The following FGF13 variants were observed in gnomAD, a reference collection of about 807,000 sequenced individuals.
FGF13 encodes the protein fibroblast growth factor homologous factor 2.
In FGF13, 2 loss-of-function variants were observed where a neutral mutation model predicts 19.5. The observed-to-expected ratio is 0.10, with a 90% CI of 0.04 to 0.32. The LOEUF (loss-of-function observed/expected upper bound fraction) is 0.32. Ranked by LOEUF, FGF13 falls within the 10% of genes least tolerant of loss-of-function variation. FGF13 has a pLI of 1.00. For missense variants in FGF13, 113 were observed against 192.7 expected, an observed-to-expected ratio of 0.59 and a Z score of 2.45; for synonymous variants, 72 against 76.9, an observed-to-expected ratio of 0.94 and a Z score of 0.33.
chrX:138,642,520 C>T (rs1014271839), intron 3 of FGF13, among the ~76,000 whole-genome samples: 6 of 111,377 alleles, frequency 5.4e-5, no homozygotes, highest in African/African-American at 9.8e-5. Flanking sequence ...GCTCCATAAA[C>T]ATGAAATGTG....
intron 3 of FGF13, among the ~76,000 whole-genome samples, chrX:138,684,312 T>C (rs886928563): frequency 3.6e-5 from 4 of 111,678 alleles, no homozygotes; most frequent in Admixed American, 1.9e-4. Context: ...GTATTTCTAA[T>C]TCGGTGTGCC....
chrX:138,640,616 G>C (rs2089240167), intron 3 of FGF13, among the ~76,000 whole-genome samples: 1 of 111,689 alleles, frequency 9.0e-6, no homozygotes, highest in Non-Finnish European at 1.9e-5. Flanking sequence ...TCAGCAGATG[G>C]TGTGTAGCTA....
chrX:139,010,559 G>A lies in FGF13; in HGVS notation c.-112-145909C>T, dbSNP rs745558196. ...ATAATCTGCTCCTGAATGATGGTTG[G>A]GTCAACAATGAAATCAAGATGGCTA... On this transcript the variant is annotated intron_variant, in intron 1 of 2. Coordinates refer to the FGF13 transcript ENST00000421460. Among the ~76,000 whole-genome samples the A allele has an allele frequency of 2.4e-3, 272 of 111,519 alleles. 1 individual carries two copies. The highest frequency in any genetic ancestry group is 3.6e-3 in the Non-Finnish European group (191 of 53,052).
chrX:139,020,086 G>A (rs1433176094), intron 1 of FGF13, among the ~76,000 whole-genome samples: 1 of 110,947 alleles, frequency 9.0e-6, no homozygotes, highest in Admixed American at 9.6e-5. Context: ...CTTGAGATCT[G>A]GTTCCTTCCT....
rs1030658191 is a variant in FGF13, at chrX:138,625,058, C to T, written c.*7792G>A. 5.4e-5 allele frequency: 6 copies of T among 110,585 alleles called. No individual in the cohort carries two copies. The highest frequency in any genetic ancestry group is 1.9e-4 in the Admixed American group (2 of 10,302). 9.1% of individuals were successfully genotyped at this position (110,585 alleles called of 1,213,427 possible). A position where few individuals can be genotyped will look rare whatever the true frequency, so the allele number is the denominator to read the frequency against. On this transcript the variant is annotated 3_prime_UTR_variant, in exon 5 of 5. Transcript: ENST00000315930. ...TAGACATCTCTCCAAGGAAGACATACAAATGGCCAACATATATCTGAAAAG... is the reference window on the plus strand; with the variant it reads ...TAGACATCTCTCCAAGGAAGACATATAAATGGCCAACATATATCTGAAAAG...
intron 3 of FGF13, among the ~76,000 whole-genome samples, chrX:138,816,430 T>C (rs2090961918): frequency 1.8e-5 from 2 of 112,122 alleles, no homozygotes; most frequent in Non-Finnish European, 3.8e-5. Flanking sequence ...AACAAAAATA[T>C]ATGTATTTTG....
intron 1 of FGF13, among the ~76,000 whole-genome samples, chrX:138,885,706 C>T (rs1010487904): frequency 9.3e-5 from 10 of 107,930 alleles, no homozygotes; most frequent in African/African-American, 3.0e-4. Context: ...TCTAACCCCC[C>T]CCGCCAATAC....
At chrX:138,702,955 T>A (rs1288479018) in intron 3 of FGF13, 29 bp downstream of exon 3, 2 of 1,044,888 alleles carry the variant, frequency 1.9e-6, no homozygotes, top group Non-Finnish European at 1.3e-6. Flanking sequence ...ACTAGAATAG[T>A]CAAAACATGC....
intron 3 of FGF13, among the ~76,000 whole-genome samples, chrX:138,831,667 A>ATT (rs762010674): frequency 1.6e-3 from 171 of 105,911 alleles, no homozygotes; most frequent in African/African-American, 5.7e-3. Context: ...TTGCTATTCC[A>ATT]TTTCTTTTTT....
At chrX:139,059,763 T>C (rs1037650510) in intron 1 of FGF13, among the ~76,000 whole-genome samples, 1 of 112,656 alleles carries the variant, frequency 8.9e-6, no homozygotes, top group Non-Finnish European at 1.9e-5. Context: ...TAGCCTTCCA[T>C]TTTAAAACAT....
At chrX:139,014,652 A>C (rs2092145288) in intron 1 of FGF13, among the ~76,000 whole-genome samples, 2 of 111,146 alleles carry the variant, frequency 1.8e-5, no homozygotes, top group South Asian at 7.5e-4. Context: ...TCAAAAACTA[A>C]CACCTATCCT....
At chrX:139,110,961 T>C (rs73566185) in intron 1 of FGF13, among the ~76,000 whole-genome samples, 1,306 of 111,733 alleles carry the variant, frequency 0.012, 26 homozygotes, top group African/African-American at 0.04. Flanking sequence ...AGGGCCAGTT[T>C]TGTGGTGGTG....
At chrX:138,797,035 G>T (rs1431957023) in intron 3 of FGF13, among the ~76,000 whole-genome samples, 1 of 111,555 alleles carries the variant, frequency 9.0e-6, no homozygotes, top group Non-Finnish European at 1.9e-5. Flanking sequence ...AGTTTATTTT[G>T]CTGTGCAGAA....
chrX:138,673,006 T>C (rs147999502), intron 3 of FGF13, among the ~76,000 whole-genome samples: 1,656 of 110,934 alleles, frequency 0.015, 22 homozygotes, highest in African/African-American at 0.051. Context: ...GACACCATAT[T>C]TGGGAAGGTG....
At chrX:138,858,755 TA>T (rs745908329) in intron 2 of FGF13, among the ~76,000 whole-genome samples, 10,572 of 106,503 alleles carry the variant, frequency 0.099, 1,295 homozygotes, top group African/African-American at 0.34. Flanking sequence ...GTGGTGTTTG[TA>T]AAAAAAAAAA....
chrX:139,186,271 G>A (rs1300225033), intron 1 of FGF13, among the ~76,000 whole-genome samples: 1 of 111,735 alleles, frequency 8.9e-6, no homozygotes, highest in African/African-American at 3.3e-5. Context: ...AAGTGCTAGA[G>A]ATGGGACTGG....
rs190049249 is a variant in FGF13, at chrX:139,105,672, A to G, written c.-113+97744T>C. 2.4e-3 allele frequency among the ~76,000 whole-genome samples: 265 copies of G among 112,365 alleles called. 3 individuals carry two copies. The highest frequency in any genetic ancestry group is 4.6e-3 in the Middle Eastern group (1 of 218). Reference sequence around the variant, plus strand: ...GGGACACATAGTAAGCAAACAATAAACAAGTAATTATCAGCACTATTACTA... The same window carrying G: ...GGGACACATAGTAAGCAAACAATAAGCAAGTAATTATCAGCACTATTACTA... On this transcript the variant is annotated intron_variant, in intron 1 of 2. Coordinates refer to the FGF13 transcript ENST00000421460.
chrX:138,736,227 G>A (rs1022249944), intron 1 of FGF13, among the ~76,000 whole-genome samples: 1 of 111,762 alleles, frequency 8.9e-6, no homozygotes, highest in African/African-American at 3.3e-5. Flanking sequence ...CACCCTGGAT[G>A]TCTTCACTTG....
At chrX:138,976,366 T>C (rs1191609759) in intron 1 of FGF13, among the ~76,000 whole-genome samples, 1 of 111,309 alleles carries the variant, frequency 9.0e-6, no homozygotes, top group East Asian at 2.8e-4. Flanking sequence ...TACTCAGCCA[T>C]AAAAAAGGAA....
Sources: gnomAD v4.1 joint callset for allele counts (sites outside exome capture counted in the v4.1 genomes callset) on GRCh38, gnomAD v4.1.1 for gene constraint, MANE v1.5 for transcripts, NCBI Gene and HGNC (gene_info 2026-07-23, HGNC 2026-07-21) for gene names.